Variants in RYR2 observed in about 807,000 individuals in gnomAD.
The protein encoded by RYR2 is ryanodine receptor 2.
In RYR2, 227 loss-of-function variants were observed where a neutral mutation model predicts 601.1. The ratio of observed to expected loss-of-function variants is 0.38; its 90% CI spans 0.34 to 0.42. RYR2 has a LOEUF of 0.42. Among genes scored for constraint, RYR2 ranks in the 10% least tolerant of loss-of-function variants. RYR2 has a pLI of 1.00. For missense variants in RYR2, 4,646 were observed against 6,156.5 expected (o/e 0.75, Z 8.21); for synonymous variants, 2,223 against 2,175.1 (o/e 1.02, Z -0.61).
intron 1 of RYR2, among the ~76,000 whole-genome samples, chr1:237,263,128 T>G (rs1688706778): frequency 6.6e-6 from 1 of 152,130 alleles, no homozygotes; most frequent in African/African-American, 2.4e-5. Flanking sequence ...ATAGACAGGA[T>G]CGGTAATTTT....
At chr1:237,531,223 T>C (rs1668110104) in intron 25 of RYR2, among the ~76,000 whole-genome samples, 1 of 152,192 alleles carries the variant, frequency 6.6e-6, no homozygotes, top group Non-Finnish European at 1.5e-5. Flanking sequence ...ATTATCCACA[T>C]TTTAAGATGA....
At chr1:237,455,202 T>A (rs189599888) in intron 15 of RYR2, among the ~76,000 whole-genome samples, 9 of 152,298 alleles carry the variant, frequency 5.9e-5, no homozygotes, top group African/African-American at 2.2e-4. Context: ...ATATCTCATG[T>A]TCTAATATAG....
chr1:237,651,692 A>C (rs189289733), intron 51 of RYR2, among the ~76,000 whole-genome samples, 191 bp downstream of exon 51: 99 of 152,320 alleles, frequency 6.5e-4, no homozygotes, highest in Non-Finnish European at 1.2e-3. Context: ...AGATTATAGA[A>C]ATCTTAACAT....
Position 237,792,382 on chromosome 1 carries a change from C to CGTGTGTGTGTGTGTGT in RYR2, c.13782+74_13782+75insTGTGTGTGTGTGTGTG, listed in dbSNP as rs1359233766. On this transcript the variant is annotated intron_variant, in intron 94 of 104. Coordinates refer to ENST00000366574, the MANE Select transcript of RYR2 (RefSeq NM_001035.3). ...GTGTGTGTGTGTGTGTGTGTGTGTG[C>CGTGTGTGTGTGTGTGT]GTGTGTGTGTGTGTGCGTGTGTGTG... is the stretch of plus-strand genomic sequence containing the variant. The CGTGTGTGTGTGTGTGT allele has an allele frequency of 1.2e-4, 80 of 667,014 alleles. 4 individuals carry two copies. Among genetic ancestry groups the CGTGTGTGTGTGTGTGT allele is most frequent in the Admixed American group, 6.4e-4 (19 of 29,572 alleles). 41.3% of individuals were successfully genotyped at this position (667,014 alleles called of 1,614,324 possible).
At chr1:237,636,918 C>T (rs528623661) in intron 44 of RYR2, among the ~76,000 whole-genome samples, 4 of 152,236 alleles carry the variant, frequency 2.6e-5, no homozygotes, top group South Asian at 2.1e-4. Flanking sequence ...ATATGCTGAG[C>T]GAAAGAAGCC....
Position 237,760,935 on chromosome 1 carries a change from T to C in RYR2, c.11403-20T>C. On this transcript the variant is annotated intron_variant, in intron 83 of 104. Coordinates refer to ENST00000366574, the MANE Select transcript of RYR2 (RefSeq NM_001035.3). ...GTTCTATTAGTCCTCTAAATGTTTT[T>C]TTTTCCCTTGTTATTATAGTGTCCT... The C allele has an allele frequency of 6.6e-7, 1 of 1,515,836 alleles. No homozygotes were observed. Among genetic ancestry groups the C allele is most frequent in the Non-Finnish European group, 9.0e-7 (1 of 1,115,316 alleles). 93.9% of individuals were successfully genotyped at this position (1,515,836 alleles called of 1,614,324 possible).
rs71178402 is a variant in RYR2, at chr1:237,187,173, CT to C, written c.49-83309del. Among the ~76,000 whole-genome samples the C allele has an allele frequency of 8.7e-3, 1,275 of 146,546 alleles. 14 individuals carry two copies. Among genetic ancestry groups the C allele is most frequent in the Middle Eastern group, 0.032 (9 of 284 alleles). On this transcript the variant is annotated intron_variant, in intron 1 of 104. Transcript: ENST00000366574. ...TATAGTGGCAAGAATGTCACATAGA[CT>C]TTTTTTTTTTTTTTGAGGTGGGGTC...
At chr1:237,670,308 CTGGAGAGGGAGAGGGAGA>C in intron 58 of RYR2, among the ~76,000 whole-genome samples, 1 of 92,870 alleles carries the variant, frequency 1.1e-5, no homozygotes, top group East Asian at 3.3e-4. Flanking sequence ...GAGAGGGAGA[CTGGAGAGGGAGAGGGAGA>C]GGGAGAGGGA....
intron 1 of RYR2, among the ~76,000 whole-genome samples, chr1:237,208,874 C>T (rs752234964): frequency 1.6e-4 from 24 of 146,586 alleles, no homozygotes; most frequent in Non-Finnish European, 3.0e-4. Context: ...TATTTCCCCT[C>T]GCTATGACCC....
chr1:237,220,184 A>G (rs1406185419), intron 1 of RYR2, among the ~76,000 whole-genome samples: 2 of 152,174 alleles, frequency 1.3e-5, no homozygotes, highest in Non-Finnish European at 2.9e-5. Flanking sequence ...AGGACTCTCA[A>G]TGTGCATGGT....
chr1:237,686,243 G>C (rs1385721502), intron 62 of RYR2, among the ~76,000 whole-genome samples: 2 of 152,198 alleles, frequency 1.3e-5, no homozygotes, highest in Non-Finnish European at 2.9e-5. Flanking sequence ...TATACACATG[G>C]ATCTTCAAGG....
chr1:237,454,097 TC>T (rs1472373164), intron 14 of RYR2, among the ~76,000 whole-genome samples: 1 of 152,114 alleles, frequency 6.6e-6, no homozygotes, highest in Non-Finnish European at 1.5e-5. Flanking sequence ...CCAATGAAAA[TC>T]AACTGGTTTC....
chr1:237,765,387 G>C (rs1487132414), intron 84 of RYR2, among the ~76,000 whole-genome samples: 1 of 151,858 alleles, frequency 6.6e-6, no homozygotes, highest in Non-Finnish European at 1.5e-5. Flanking sequence ...AAGTTGATCC[G>C]ATTTCTTAAA....
At chr1:237,529,849 G>T (rs12137163) in intron 24 of RYR2, among the ~76,000 whole-genome samples, 8,469 of 150,568 alleles carry the variant, frequency 0.056, 303 homozygotes, top group Middle Eastern at 0.18. Flanking sequence ...GGATATCGAA[G>T]AATTGTTAAC....
chr1:237,536,395 C>A (rs1466421494), intron 25 of RYR2, among the ~76,000 whole-genome samples: 1 of 151,936 alleles, frequency 6.6e-6, no homozygotes, highest in Non-Finnish European at 1.5e-5. Flanking sequence ...CACGGTGTAA[C>A]CCCGTCTCTA....
chr1:237,743,307 A>G (rs2819771), intron 80 of RYR2, among the ~76,000 whole-genome samples: 82,242 of 151,944 alleles, frequency 0.54, 23,085 homozygotes, highest in East Asian at 0.81. Context: ...GCAGCATTGA[A>G]GTCAATGTGT....
intron 23 of RYR2, among the ~76,000 whole-genome samples, chr1:237,511,251 A>G (rs1665863343): frequency 6.6e-6 from 1 of 151,120 alleles, no homozygotes; most frequent in African/African-American, 2.4e-5. Flanking sequence ...GACAGACAAT[A>G]GCCCAATAAC....
At position 237,724,922 on chromosome 1, in the gene RYR2, T is replaced by C. The variant is rs1422516346; in HGVS notation, c.10690-1351T>C. Among the ~76,000 whole-genome samples, 6 of 152,156 alleles carry C rather than the reference T, an allele frequency of 3.9e-5. No homozygotes were observed. In the East Asian group the frequency reaches 1.2e-3, roughly 29 times the overall value. On this transcript the variant is annotated intron_variant, in intron 74 of 104. Transcript: ENST00000366574. Reference sequence around the variant, plus strand: ...ATATATTCATAAATATATCCAATCATGATGAATGATGGCATTTCTCAAATG... The same window carrying C: ...ATATATTCATAAATATATCCAATCACGATGAATGATGGCATTTCTCAAATG...
intron 1 of RYR2, among the ~76,000 whole-genome samples, chr1:237,193,522 A>ATGC (rs1390812011): frequency 1.3e-5 from 2 of 152,180 alleles, no homozygotes; most frequent in African/African-American, 4.8e-5. Context: ...CACAATGGTG[A>ATGC]TGTTCAGTGA....
Sources: gnomAD v4.1 joint callset for allele counts (sites outside exome capture counted in the v4.1 genomes callset) on GRCh38, gnomAD v4.1.1 for gene constraint, MANE v1.5 for transcripts, NCBI Gene and HGNC (gene_info 2026-07-23, HGNC 2026-07-21) for gene names.